RASD1: variants seen among roughly 807,000 people sequenced by gnomAD.
RASD1 encodes dexamethasone-induced Ras-related protein 1.
A neutral mutation model predicts 16.7 loss-of-function variants in RASD1; 13 were observed. The observed-to-expected ratio is 0.78, with a 90% confidence interval of 0.51 to 1.24. RASD1 has a LOEUF of 1.24. RASD1 is among the 50% of genes most tolerant of loss of function. RASD1 has a pLI of 0.00. For synonymous variants in RASD1, 170 were observed against 172.6 expected, an observed-to-expected ratio of 0.98 and a Z score of 0.12; for missense variants, 397 against 407.5, an observed-to-expected ratio of 0.97 and a Z score of 0.22.
At position 17,496,349 on chromosome 17, in the gene RASD1, G is replaced by C; in HGVS notation, c.-168C>G. On this transcript the variant is annotated 5_prime_UTR_variant, in exon 1 of 2. Transcript: ENST00000225688. ...CTCGGGCTGGGCTCGGGCTAGGCTGGGCTCGGCTGGGGTTCTCCCAGGATC... is the reference window on the plus strand; with the variant it reads ...CTCGGGCTGGGCTCGGGCTAGGCTGCGCTCGGCTGGGGTTCTCCCAGGATC... The C allele has an allele frequency of 1.4e-6, 1 of 703,824 alleles. No individual in the cohort carries two copies. 43.6% of individuals were successfully genotyped at this position (703,824 alleles called of 1,614,324 possible).
At position 17,494,836 on chromosome 17, in the gene RASD1, A is replaced by G. The variant is rs1905354777; in HGVS notation, c.*289T>C. ...CCGCGCTCACTCTTAGGTCTTTGAG[A>G]AGATAAATCCACCCTCGGCTGGGCC... On this transcript the variant is annotated 3_prime_UTR_variant, in exon 2 of 2. Transcript: ENST00000225688. The G allele has an allele frequency of 5.7e-6, 3 of 523,672 alleles. No individual in the cohort carries two copies. Among genetic ancestry groups the G allele is most frequent in the Non-Finnish European group, 1.0e-5 (3 of 297,882 alleles). The allele number at this position is 523,672 out of a possible 1,614,324, so 32.4% of individuals were successfully genotyped here.
In RASD1 at chr17:17,494,501, TCAGA is replaced by T. The variant is rs940778449; in HGVS notation, c.*620_*623del. The T allele has an allele frequency of 2.7e-5, 4 of 150,528 alleles. No homozygotes were observed. The highest frequency in any genetic ancestry group is 9.8e-5 in the African/African-American group (4 of 40,902). The allele number at this position is 150,528 out of a possible 1,614,324, so 9.3% of individuals were successfully genotyped here. The stretch of plus-strand genomic sequence containing the variant: ...AAATAAAGCAATAACTTTAAAGACC[TCAGA>T]CACACACAGTATAAACACCTGGGTA... On this transcript the variant is annotated 3_prime_UTR_variant, in exon 2 of 2. Transcript: ENST00000225688.
In RASD1 at chr17:17,495,697, C is replaced by CAG. The variant is rs763161701; in HGVS notation, c.287-15_287-14dup. On this transcript the variant is annotated splice_polypyrimidine_tract_variant and intron_variant, in intron 1 of 1. Coordinates refer to ENST00000225688, the MANE Select transcript of RASD1 (RefSeq NM_016084.5). Reference sequence around the variant, plus strand: ...ATGAAAACGTCTCCTAGAGGGGGCACAGAGAGCAGAAAAGGAGAAGGTGAG... The same window carrying CAG: ...ATGAAAACGTCTCCTAGAGGGGGCACAGAGAGAGCAGAAAAGGAGAAGGTGAG... 1 of 1,591,048 alleles carries CAG rather than the reference C, an allele frequency of 6.3e-7. No individual in the cohort carries two copies. Among genetic ancestry groups the CAG allele is most frequent in the Non-Finnish European group, 8.6e-7 (1 of 1,167,824 alleles).
In RASD1 at chr17:17,495,407, G is replaced by C; in HGVS notation, c.564C>G (p.Phe188Leu). 1 of 1,604,810 alleles carries C rather than the reference G, an allele frequency of 6.2e-7. No individual in the cohort carries two copies. The highest frequency in any genetic ancestry group is 8.5e-7 in the Non-Finnish European group (1 of 1,176,270). Residue 188 changes from phenylalanine to leucine, a missense_variant, in exon 2 of 2, where the codon TTC becomes TTG. Coordinates refer to ENST00000225688, the MANE Select transcript of RASD1 (RefSeq NM_016084.5). ...AKKNSSLDQM[F>L]RALFAMAKLP... ...GCTTGGCCATGGCGAAGAGCGCGCG[G>C]AACATCTGGTCCAGGCTGCTGTTCT... is the stretch of plus-strand genomic sequence containing the variant.
rs1905355359 is a variant in RASD1, at chr17:17,494,852, C to T, written c.*273G>A. 3 of 552,324 alleles carry T rather than the reference C, an allele frequency of 5.4e-6. No homozygotes were observed. Among genetic ancestry groups the T allele is most frequent in the South Asian group, 4.4e-5 (2 of 45,196 alleles). The allele number at this position is 552,324 out of a possible 1,614,324, so 34.2% of individuals were successfully genotyped here. A position where few individuals can be genotyped will look rare whatever the true frequency, so the allele number is the denominator to read the frequency against. ...GTCTTTGAGAAGATAAATCCACCCT[C>T]GGCTGGGCCCTCGCTCCCAAAGTTA... On this transcript the variant is annotated 3_prime_UTR_variant, in exon 2 of 2. Transcript: ENST00000225688.
chr17:17,495,800 C>A, intron 1 of RASD1, 96 bp downstream of exon 1: 2 of 1,471,472 alleles, frequency 1.4e-6, no homozygotes, highest in Non-Finnish European at 1.8e-6. Flanking sequence ...GCGAAGCGCA[C>A]TACTCGGCGC....
In RASD1 at chr17:17,494,943, T is replaced by C; in HGVS notation, c.*182A>G. 1.3e-6 allele frequency: 1 copy of C among 780,594 alleles called. No homozygotes were observed. The highest frequency in any genetic ancestry group is 2.0e-6 in the Non-Finnish European group (1 of 506,156). 48.4% of individuals were successfully genotyped at this position (780,594 alleles called of 1,614,324 possible). On this transcript the variant is annotated 3_prime_UTR_variant, in exon 2 of 2. Transcript: ENST00000225688. The stretch of plus-strand genomic sequence containing the variant: ...TAGTCCCAGTCTTGGCCCGTTCTCT[T>C]TCCTTCCGGAGCAGATGACCGTCCC...
chr17:17,496,237 T>C lies in RASD1; in HGVS notation c.-56A>G. 3 of 1,495,324 alleles carry C rather than the reference T, an allele frequency of 2.0e-6. No individual in the cohort carries two copies. The highest frequency in any genetic ancestry group is 2.7e-6 in the Non-Finnish European group (3 of 1,117,762). The allele number at this position is 1,495,324 out of a possible 1,614,324, so 92.6% of individuals were successfully genotyped here. A position where few individuals can be genotyped will look rare whatever the true frequency, so the allele number is the denominator to read the frequency against. The stretch of plus-strand genomic sequence containing the variant: ...GGCCGAGAGAAGGGCAGAGAGCGGC[T>C]GAGGGTCGCTGGGGTGGCACGCGGG... On this transcript the variant is annotated 5_prime_UTR_variant, in exon 1 of 2. Coordinates refer to ENST00000225688, the MANE Select transcript of RASD1 (RefSeq NM_016084.5).
Position 17,496,087 on chromosome 17 carries a change from G to C in RASD1, c.95C>G (p.Ser32Trp). 4 of 1,614,118 alleles carry C rather than the reference G, an allele frequency of 2.5e-6. No individual in the cohort carries two copies. Among genetic ancestry groups the C allele is most frequent in the Non-Finnish European group, 1.7e-6 (2 of 1,180,020 alleles). The change falls in exon 1 of 2, where the codon TCG becomes TGG. Residue 32 changes from serine to tryptophan, a missense_variant. Transcript: ENST00000225688. ...KNCYRMVILG[S>W]SKVGKTAIVS... ...GATGGCCGTCTTGCCCACCTTGGAC[G>C]AGCCGAGGATGACCATGCGATAGCA...
chr17:17,495,734 A>G (rs1279830891), intron 1 of RASD1, 50 bp from the exon 2 acceptor site: 4 of 1,515,626 alleles, frequency 2.6e-6, no homozygotes, highest in Non-Finnish European at 3.5e-6. Context: ...GTGGCCGCCC[A>G]GGGGACAAGT....
intron 1 of RASD1, 25 bp downstream of exon 1, chr17:17,495,871 C>G (rs1374412498): frequency 6.3e-7 from 1 of 1,585,790 alleles, no homozygotes; most frequent in Non-Finnish European, 8.6e-7. Context: ...CCTTCCCTCC[C>G]GCACCTGCCC....
In RASD1 at chr17:17,496,339, G is replaced by A. The variant is rs1000943014; in HGVS notation, c.-158C>T. ...TCCGGCTCCGCTCGGGCTGGGCTCGGGCTAGGCTGGGCTCGGCTGGGGTTC... is the reference window on the plus strand; with the variant it reads ...TCCGGCTCCGCTCGGGCTGGGCTCGAGCTAGGCTGGGCTCGGCTGGGGTTC... On this transcript the variant is annotated 5_prime_UTR_variant, in exon 1 of 2. Transcript: ENST00000225688. 4 of 743,532 alleles carry A rather than the reference G, an allele frequency of 5.4e-6. No individual in the cohort carries two copies. The highest frequency in any genetic ancestry group is 4.1e-6 in the Non-Finnish European group (2 of 489,490). The allele number at this position is 743,532 out of a possible 1,614,324, so 46.1% of individuals were successfully genotyped here.
rs780789536 is a variant in RASD1, at chr17:17,495,916, C to T, written c.266G>A (p.Arg89Gln). The T allele has an allele frequency of 2.5e-6, 4 of 1,609,742 alleles. No homozygotes were observed. The highest frequency in any genetic ancestry group is 3.4e-6 in the Non-Finnish European group (4 of 1,179,754). ...CTCACCTGTGAGGATGGAGAGGCGC[C>T]GCATGGCGGGGAACGGGTGGTTGCC... ...TSGNHPFPAM[R>Q]RLSILTGDVF... Residue 89 changes from arginine to glutamine, a missense_variant, in exon 1 of 2, where the codon CGG (arginine) becomes CAG (glutamine). By Grantham distance (43) the Arg-to-Gln change is conservative. Transcript: ENST00000225688.
In RASD1 at chr17:17,495,288, A is replaced by G; in HGVS notation, c.683T>C (p.Leu228Pro). Residue 228 changes from leucine to proline, a missense_variant, in exon 2 of 2, where the codon CTG (leucine) becomes CCG (proline). Coordinates refer to ENST00000225688, the MANE Select transcript of RASD1 (RefSeq NM_016084.5). ...HKKALRNKKL[L>P]RAGSGGGGGD... The stretch of plus-strand genomic sequence containing the variant: ...GCCGCCGCCGCCGCTGCCGGCCCGC[A>G]GCAGCTTCTTGTTCCGCAGCGCCTT... 1.3e-6 allele frequency: 2 copies of G among 1,559,612 alleles called. No homozygotes were observed. Among genetic ancestry groups the G allele is most frequent in the Non-Finnish European group, 1.7e-6 (2 of 1,152,342 alleles).
In RASD1 at chr17:17,496,216, G is replaced by A. The variant is rs1030368018; in HGVS notation, c.-35C>T. 25 of 1,540,638 alleles carry A rather than the reference G, an allele frequency of 1.6e-5. No individual in the cohort carries two copies. In the Middle Eastern group the frequency reaches 5.5e-4, roughly 34 times the overall value. On this transcript the variant is annotated 5_prime_UTR_variant, in exon 1 of 2. Coordinates refer to ENST00000225688, the MANE Select transcript of RASD1 (RefSeq NM_016084.5). ...GGGCCGCGAGGGCGGGCGCGGGGCC[G>A]AGAGAAGGGCAGAGAGCGGCTGAGG...
In RASD1 at chr17:17,495,210, C is replaced by G. The variant is rs1213589527; in HGVS notation, c.761G>C (p.Ser254Thr). ...GIVAPFARRPSVHSDLMYIRE... is the reference protein window; with the variant it reads ...GIVAPFARRPTVHSDLMYIRE... ...GATGTACATGAGGTCGCTGTGTACGCTGGGCCGGCGCGCGAAGGGTGCCAC... is the reference window on the plus strand; with the variant it reads ...GATGTACATGAGGTCGCTGTGTACGGTGGGCCGGCGCGCGAAGGGTGCCAC... The change falls in exon 2 of 2, where the codon AGC becomes ACC. Residue 254 changes from serine (S) to threonine (T), a missense_variant. Ser to Thr is a moderately conservative substitution (Grantham distance 58). Coordinates refer to ENST00000225688, the MANE Select transcript of RASD1 (RefSeq NM_016084.5). 1.6e-5 allele frequency: 25 copies of G among 1,610,992 alleles called. No individual in the cohort carries two copies. The highest frequency in any genetic ancestry group is 2.0e-5 in the Non-Finnish European group (24 of 1,179,518).
Position 17,494,905 on chromosome 17 carries a change from C to T in RASD1, c.*220G>A. ...GGGGTGGCGGGCCTCAATGGGGGAC[C>T]GGGGGTGGGGAATAGTCCCAGTCTT... On this transcript the variant is annotated 3_prime_UTR_variant, in exon 2 of 2. Coordinates refer to ENST00000225688, the MANE Select transcript of RASD1 (RefSeq NM_016084.5). The T allele has an allele frequency of 4.8e-6, 3 of 628,218 alleles. No homozygotes were observed. Among genetic ancestry groups the T allele is most frequent in the South Asian group, 2.1e-5 (1 of 48,168 alleles). 38.9% of individuals were successfully genotyped at this position (628,218 alleles called of 1,614,324 possible).
chr17:17,495,834 G>C (rs1233907740), intron 1 of RASD1, 62 bp downstream of exon 1: 1 of 1,501,888 alleles, frequency 6.7e-7, no homozygotes, highest in Non-Finnish European at 8.9e-7. Flanking sequence ...CGGCGCTCGC[G>C]GGGCGCCCTG....
In RASD1 at chr17:17,496,316, C is replaced by CGGCTCCGCTCGGGCTGGGCTCG. The variant is rs1305730487; in HGVS notation, c.-157_-136dup. The CGGCTCCGCTCGGGCTGGGCTCG allele has an allele frequency of 3.2e-6, 3 of 939,128 alleles. No homozygotes were observed. Among genetic ancestry groups the CGGCTCCGCTCGGGCTGGGCTCG allele is most frequent in the Non-Finnish European group, 4.5e-6 (3 of 660,942 alleles). The allele number at this position is 939,128 out of a possible 1,614,324, so 58.2% of individuals were successfully genotyped here. A position where few individuals can be genotyped will look rare whatever the true frequency, so the allele number is the denominator to read the frequency against. ...TGGGCGCGGCTCGGGCTTGGGGCTC[C>CGGCTCCGCTCGGGCTGGGCTCG]GGCTCCGCTCGGGCTGGGCTCGGGC... On this transcript the variant is annotated 5_prime_UTR_variant, in exon 1 of 2. Coordinates refer to ENST00000225688, the MANE Select transcript of RASD1 (RefSeq NM_016084.5).
Sources: gnomAD v4.1 joint callset for allele counts on GRCh38, gnomAD v4.1.1 for gene constraint, MANE v1.5 for transcripts, NCBI Gene and HGNC (gene_info 2026-07-23, HGNC 2026-07-21) for gene names.